The following SCAPER variants were observed in gnomAD, a reference collection of about 807,000 sequenced individuals.
SCAPER encodes S phase cyclin A-associated protein in the endoplasmic reticulum.
A neutral mutation model predicts 182.2 loss-of-function variants in SCAPER; 98 were observed. The ratio of observed to expected loss-of-function variants is 0.54; its 90% CI spans 0.46 to 0.64. SCAPER has a LOEUF of 0.64. Among genes scored for constraint, SCAPER ranks in the 30% least tolerant of loss-of-function variants. The pLI is 0.00. For synonymous variants in SCAPER, 605 were observed against 564.6 expected, an observed-to-expected ratio of 1.07 and a Z score of -1.01; for missense variants, 1,432 against 1,690.0, an observed-to-expected ratio of 0.85 and a Z score of 2.68.
chr15:76,844,251 A>AGG (rs1321721764), intron 4 of SCAPER, among the ~76,000 whole-genome samples: 1 of 143,352 alleles, frequency 7.0e-6, no homozygotes, highest in Non-Finnish European at 1.5e-5. Flanking sequence ...AGGACATTTG[A>AGG]GAGACAAAGA....
intron 23 of SCAPER, among the ~76,000 whole-genome samples, chr15:76,547,722 G>A (rs576662716): frequency 2.0e-4 from 31 of 151,928 alleles, no homozygotes; most frequent in African/African-American, 6.3e-4. Flanking sequence ...TTGATGAGAC[G>A]GGTCATGTAT....
At chr15:76,748,225 G>C (rs985801850) in intron 15 of SCAPER, among the ~76,000 whole-genome samples, 2 of 152,038 alleles carry the variant, frequency 1.3e-5, no homozygotes, top group Middle Eastern at 3.4e-3. Context: ...CTGGACCTCA[G>C]GTGATCTGCC....
intron 4 of SCAPER, chr15:76,855,688 T>C (rs1171839048): frequency 5.1e-6 from 1 of 195,808 alleles, no homozygotes; most frequent in Non-Finnish European, 1.1e-5. Flanking sequence ...TCACTGTTCA[T>C]CAGAGAAACG....
chr15:76,667,648 A>C (rs1201373011), intron 20 of SCAPER, among the ~76,000 whole-genome samples: 6 of 128,922 alleles, frequency 4.7e-5, no homozygotes, highest in African/African-American at 1.6e-4. Context: ...AAAAAAAAAA[A>C]AAAAAAAAAA....
chr15:76,721,867 G>T (rs544933073), intron 17 of SCAPER, among the ~76,000 whole-genome samples: 54 of 152,008 alleles, frequency 3.6e-4, no homozygotes, highest in East Asian at 3.9e-4. Context: ...TCATGTCATC[G>T]GCAAACAGGG....
At chr15:76,733,018 C>G (rs2061015813) in intron 16 of SCAPER, among the ~76,000 whole-genome samples, 1 of 152,148 alleles carries the variant, frequency 6.6e-6, no homozygotes, top group Non-Finnish European at 1.5e-5. Context: ...AATATCAGCA[C>G]AGCCTGGCAT....
Position 76,387,277 on chromosome 15 carries a change from G to C in SCAPER, c.3468-5662C>G, listed in dbSNP as rs576974451. ...AAAACCAGGAATTCAGTTTTGAACT[G>C]GTTAAATGTGAGATGCCTATTATAC... On this transcript the variant is annotated intron_variant, in intron 27 of 31. Coordinates refer to ENST00000563290, the MANE Select transcript of SCAPER (RefSeq NM_020843.4). Among the ~76,000 whole-genome samples the C allele has an allele frequency of 6.6e-5, 10 of 152,282 alleles. No homozygotes were observed. The South Asian group carries it at 1.9e-3, about 28-fold the overall frequency.
intron 23 of SCAPER, among the ~76,000 whole-genome samples, chr15:76,554,788 C>CCTTTTT (rs397950459): frequency 1.4e-5 from 1 of 71,120 alleles, no homozygotes. Context: ...ATTCAGCATT[C>CCTTTTT]TTTTTTTTTT....
intron 2 of SCAPER, among the ~76,000 whole-genome samples, chr15:76,882,930 C>T (rs776328046): frequency 6.6e-6 from 1 of 152,186 alleles, no homozygotes; most frequent in Non-Finnish European, 1.5e-5. Context: ...TCCCAAAGTG[C>T]TGGGATTACA....
At chr15:76,747,455 C>T (rs1044712819) in intron 15 of SCAPER, among the ~76,000 whole-genome samples, 21 of 151,958 alleles carry the variant, frequency 1.4e-4, no homozygotes, top group Non-Finnish European at 2.4e-4. Flanking sequence ...TGAGCCAAGA[C>T]CACACCACTG....
chr15:76,554,214 C>T (rs67204011), intron 23 of SCAPER, among the ~76,000 whole-genome samples: 57,826 of 151,998 alleles, frequency 0.38, 13,060 homozygotes, highest in Middle Eastern at 0.52. Context: ...GCACAATCAG[C>T]CAAGCTGAGG....
rs565413755 is a variant in SCAPER, at chr15:76,804,769, A to AT, written c.394-137dup. ...AATGAAAAAGCTGCGTAAGTTACAGATTTTTTTTTTCATTCTGTTTGGTAA... is the reference window on the plus strand; with the variant it reads ...AATGAAAAAGCTGCGTAAGTTACAGATTTTTTTTTTTCATTCTGTTTGGTAA... On this transcript the variant is annotated intron_variant, in intron 5 of 31. Coordinates refer to ENST00000563290, the MANE Select transcript of SCAPER (RefSeq NM_020843.4). 2,363 of 457,260 alleles carry AT rather than the reference A, an allele frequency of 5.2e-3. 1 individual carries two copies. Among genetic ancestry groups the AT allele is most frequent in the South Asian group, 6.8e-3 (149 of 21,966 alleles). The allele number at this position is 457,260 out of a possible 1,614,324, so 28.3% of individuals were successfully genotyped here.
At chr15:76,395,828 C>T (rs1441265459) in intron 27 of SCAPER, among the ~76,000 whole-genome samples, 1 of 152,118 alleles carries the variant, frequency 6.6e-6, no homozygotes, top group African/African-American at 2.4e-5. Flanking sequence ...GTTTCCTTTG[C>T]TGTGCAGGAG....
At chr15:76,556,118 AG>A (rs2046176671) in intron 23 of SCAPER, among the ~76,000 whole-genome samples, 1 of 152,206 alleles carries the variant, frequency 6.6e-6, no homozygotes, top group Non-Finnish European at 1.5e-5. Flanking sequence ...TGCTGAAGCA[AG>A]CATAGAAAAC....
chr15:76,773,817 A>G (rs897491021), intron 9 of SCAPER, among the ~76,000 whole-genome samples: 2 of 151,926 alleles, frequency 1.3e-5, no homozygotes, highest in African/African-American at 4.8e-5. Flanking sequence ...GACCAAAGAT[A>G]TTACAACCAT....
intron 7 of SCAPER, among the ~76,000 whole-genome samples, chr15:76,796,960 C>T (rs181292215): frequency 6.6e-6 from 1 of 152,262 alleles, no homozygotes; most frequent in Non-Finnish European, 1.5e-5. Context: ...TTACTAAATG[C>T]CATACAGTGC....
At chr15:76,881,631 A>C (rs2073544925) in intron 2 of SCAPER, among the ~76,000 whole-genome samples, 1 of 152,220 alleles carries the variant, frequency 6.6e-6, no homozygotes, top group Admixed American at 6.5e-5. Context: ...AGCCAAACAC[A>C]AAAAGACAAA....
intron 4 of SCAPER, among the ~76,000 whole-genome samples, chr15:76,851,937 GA>G (rs995406920): frequency 2.5e-4 from 38 of 152,160 alleles, no homozygotes; most frequent in Middle Eastern, 3.4e-3. Flanking sequence ...CTGTCTTCAA[GA>G]GACCCATATC....
chr15:76,450,147 A>T (rs573096704), intron 25 of SCAPER, among the ~76,000 whole-genome samples: 2 of 152,326 alleles, frequency 1.3e-5, no homozygotes, highest in Admixed American at 1.3e-4. Context: ...AGCAAGCTCC[A>T]CACCATATTG....
Sources: allele counts gnomAD v4.1 joint callset (sites outside exome capture counted in the v4.1 genomes callset), GRCh38; gene constraint gnomAD v4.1.1; transcripts MANE v1.5; gene names NCBI Gene and HGNC (gene_info 2026-07-23, HGNC 2026-07-21).